The following ELP3 variants were observed in gnomAD, a reference collection of about 807,000 sequenced individuals.
The protein encoded by ELP3 is elongator acetyltransferase complex subunit 3, also known as elongator complex protein 3.
A neutral mutation model predicts 74.9 loss-of-function variants in ELP3; 56 were observed. The observed-to-expected ratio is 0.75, with a 90% CI of 0.60 to 0.93. ELP3 has a LOEUF of 0.93. Among genes scored for constraint, ELP3 ranks in the 40% least tolerant of loss-of-function variants. The pLI, the probability that ELP3 is intolerant of heterozygous loss-of-function variation, is 0.00. For missense variants in ELP3, 573 were observed against 686.5 expected (o/e 0.83, Z 1.85); for synonymous variants, 222 against 239.8 (o/e 0.93, Z 0.68).
intron 3 of ELP3, among the ~76,000 whole-genome samples, chr8:28,101,532 A>G (rs887594813): frequency 6.6e-6 from 1 of 152,136 alleles, no homozygotes; most frequent in Non-Finnish European, 1.5e-5. Context: ...CTTTAGCATT[A>G]ACTTCCATAT....
intron 14 of ELP3, chr8:28,183,374 A>T: frequency 2.7e-6 from 1 of 375,490 alleles, no homozygotes; most frequent in Non-Finnish European, 5.3e-6. Context: ...CTCAGGGTGT[A>T]GATGAGTGAA....
chr8:28,133,448 A>G (rs1274303395), intron 9 of ELP3, among the ~76,000 whole-genome samples: 26 of 141,920 alleles, frequency 1.8e-4, no homozygotes, highest in Admixed American at 1.6e-3. Flanking sequence ...TTTTTCTTCA[A>G]ATGCCTCTAA....
At chr8:28,134,787 AT>A (rs899674883) in intron 9 of ELP3, among the ~76,000 whole-genome samples, 2 of 151,950 alleles carry the variant, frequency 1.3e-5, no homozygotes, top group Admixed American at 6.5e-5. Context: ...TTTATTACAG[AT>A]TTTTTTTATA....
intron 10 of ELP3, among the ~76,000 whole-genome samples, chr8:28,152,938 G>A (rs1449516093): frequency 1.3e-5 from 2 of 152,246 alleles, no homozygotes; most frequent in Non-Finnish European, 2.9e-5. Context: ...ATGGTATGAG[G>A]TAGGGGTCCA....
chr8:28,144,074 C>A (rs1421982072), intron 10 of ELP3, among the ~76,000 whole-genome samples: 2 of 152,038 alleles, frequency 1.3e-5, no homozygotes, highest in Non-Finnish European at 2.9e-5. Context: ...CTTCTTACAT[C>A]AGTTGTATGT....
intron 10 of ELP3, among the ~76,000 whole-genome samples, chr8:28,144,997 G>A (rs1585704477): frequency 6.6e-6 from 1 of 152,082 alleles, no homozygotes; most frequent in African/African-American, 2.4e-5. Context: ...AGCTGAGATC[G>A]TGCCACTGCA....
chr8:28,114,266 C>G (rs543051570), intron 7 of ELP3, among the ~76,000 whole-genome samples: 228 of 152,068 alleles, frequency 1.5e-3, no homozygotes, highest in African/African-American at 5.1e-3. Context: ...TGGGAAGCAG[C>G]CTGGGGTGTT....
chr8:28,129,506 T>G lies in ELP3; in HGVS notation c.622T>G (p.Ser208Ala), dbSNP rs1367067109. 6.2e-7 allele frequency: 1 copy of G among 1,614,034 alleles called. No homozygotes were observed. The highest frequency in any genetic ancestry group is 2.2e-5 in the East Asian group (1 of 44,898). ...TATTTTAGATTTGCTCTACAGGTAT[T>G]CTGAGAGAAGCCTCACAAAGTGTAT... ...SNNIYEAVKY[S>A]ERSLTKCIGI... Residue 208 changes from serine to alanine, a missense_variant, in exon 8 of 15, where the codon TCT becomes GCT. Ser to Ala is a moderately conservative substitution (Grantham distance 99, BLOSUM62 1). Coordinates refer to ENST00000256398, the MANE Select transcript of ELP3 (RefSeq NM_018091.6).
At chr8:28,093,448 G>C (rs1047106382) in intron 1 of ELP3, 3 of 617,114 alleles carry the variant, frequency 4.9e-6, no homozygotes, top group Non-Finnish European at 8.4e-6. Context: ...TTCCTCTTTG[G>C]CAGTCACGTG....
At chr8:28,156,305 G>T (rs1332202930) in intron 11 of ELP3, among the ~76,000 whole-genome samples, 1 of 152,128 alleles carries the variant, frequency 6.6e-6, no homozygotes, top group Non-Finnish European at 1.5e-5. Context: ...TTTTTCTTTT[G>T]AAGTATTAGG....
At chr8:28,188,200 G>A (rs941842695) in intron 14 of ELP3, among the ~76,000 whole-genome samples, 52 of 152,190 alleles carry the variant, frequency 3.4e-4, no homozygotes, top group African/African-American at 1.2e-4. Flanking sequence ...TGAGGAATGC[G>A]TCCAATATGC....
At chr8:28,123,490 T>C (rs2130437543) in intron 7 of ELP3, among the ~76,000 whole-genome samples, 1 of 152,350 alleles carries the variant, frequency 6.6e-6, no homozygotes, top group South Asian at 2.1e-4. Context: ...GAATGTGTGT[T>C]CTCAGTTGCT....
chr8:28,155,543 T>C (rs537034448), intron 10 of ELP3, among the ~76,000 whole-genome samples: 1 of 152,364 alleles, frequency 6.6e-6, no homozygotes, highest in Non-Finnish European at 1.5e-5. Context: ...AGCAGCTGTG[T>C]GGGAAAATGT....
chr8:28,176,751 G>A (rs1316468638), intron 14 of ELP3, among the ~76,000 whole-genome samples: 1 of 152,094 alleles, frequency 6.6e-6, no homozygotes, highest in African/African-American at 2.4e-5. Context: ...TTCCTACCAG[G>A]TTATAAGATG....
intron 9 of ELP3, among the ~76,000 whole-genome samples, chr8:28,134,579 T>C (rs1366580084): frequency 6.6e-6 from 1 of 152,172 alleles, no homozygotes; most frequent in Non-Finnish European, 1.5e-5. Context: ...AACAGCTCAG[T>C]AGGAAAATGG....
chr8:28,104,219 A>T (rs963851063), intron 3 of ELP3, among the ~76,000 whole-genome samples: 19 of 152,184 alleles, frequency 1.2e-4, no homozygotes, highest in African/African-American at 4.6e-4. Flanking sequence ...ACTAGGTTTT[A>T]AGAGTTCTTT....
chr8:28,182,786 C>A (rs1815069010), intron 14 of ELP3, among the ~76,000 whole-genome samples: 1 of 152,230 alleles, frequency 6.6e-6, no homozygotes. Flanking sequence ...CAGATTAAGC[C>A]ACGTGGTGCG....
At chr8:28,142,487 C>T (rs573004451) in intron 10 of ELP3, among the ~76,000 whole-genome samples, 4 of 152,310 alleles carry the variant, frequency 2.6e-5, no homozygotes, top group African/African-American at 9.6e-5. Context: ...ACTCTTACTT[C>T]ACACATAGGT....
At chr8:28,118,626 G>C (rs1174386386) in intron 7 of ELP3, among the ~76,000 whole-genome samples, 2 of 152,210 alleles carry the variant, frequency 1.3e-5, no homozygotes, top group Non-Finnish European at 2.9e-5. Context: ...AGATGAAAAA[G>C]ACCGGTAGTG....
Sources: gnomAD v4.1 joint callset for allele counts (sites outside exome capture counted in the v4.1 genomes callset) on GRCh38, gnomAD v4.1.1 for gene constraint, MANE v1.5 for transcripts, NCBI Gene and HGNC (gene_info 2026-07-23, HGNC 2026-07-21) for gene names.